Variants in MTUS2 observed in about 807,000 individuals in gnomAD.
MTUS2 encodes microtubule-associated tumor suppressor candidate 2.
A neutral mutation model predicts 114.1 loss-of-function variants in MTUS2; 40 were observed. The observed-to-expected ratio is 0.35, with a 90% CI of 0.27 to 0.46. The LOEUF (loss-of-function observed/expected upper bound fraction) is 0.46. MTUS2 is among the 20% of genes least tolerant of loss of function. MTUS2 has a pLI of 1.00. For missense variants in MTUS2, 1,679 were observed against 1,705.4 expected (o/e 0.98, Z 0.27); for synonymous variants, 688 against 672.0 (o/e 1.02, Z -0.37).
intron 12 of MTUS2, 94 bp from the exon 13 acceptor site, chr13:29,497,144 G>T: frequency 9.2e-7 from 1 of 1,088,134 alleles, no homozygotes; most frequent in East Asian, 2.5e-5. Context: ...GGATGCCCAG[G>T]GCACAGTGGT....
chr13:29,472,454 T>A (rs1215247041), intron 9 of MTUS2, among the ~76,000 whole-genome samples: 2 of 152,220 alleles, frequency 1.3e-5, no homozygotes, highest in East Asian at 3.9e-4. Flanking sequence ...CAGCTGTGTT[T>A]CATGCAACCC....
intron 2 of MTUS2, among the ~76,000 whole-genome samples, chr13:28,988,067 G>A (rs1884668471): frequency 6.6e-6 from 1 of 152,164 alleles, no homozygotes; most frequent in Admixed American, 6.5e-5. Flanking sequence ...TGTTTAAAAT[G>A]AAAAAGTGAT....
At chr13:28,998,099 C>A (rs1447650203) in intron 2 of MTUS2, among the ~76,000 whole-genome samples, 2 of 150,978 alleles carry the variant, frequency 1.3e-5, no homozygotes, top group East Asian at 3.9e-4. Context: ...GTGACAAAGT[C>A]TCTCAGCATT....
At chr13:29,191,320 A>G (rs1014252635) in intron 5 of MTUS2, among the ~76,000 whole-genome samples, 2 of 151,906 alleles carry the variant, frequency 1.3e-5, no homozygotes, top group Non-Finnish European at 2.9e-5. Flanking sequence ...TTTTTTATAT[A>G]TATATAATTG....
At chr13:29,282,990 A>G (rs1898335350) in intron 6 of MTUS2, among the ~76,000 whole-genome samples, 1 of 152,210 alleles carries the variant, frequency 6.6e-6, no homozygotes, top group Non-Finnish European at 1.5e-5. Flanking sequence ...CAATGCTGCA[A>G]TAAACAGCCT....
At chr13:28,888,607 A>T (rs1301304347) in intron 2 of MTUS2, among the ~76,000 whole-genome samples, 1 of 152,056 alleles carries the variant, frequency 6.6e-6, no homozygotes, top group African/African-American at 2.4e-5. Context: ...TTTTTAGTAG[A>T]GACGGGGTTT....
At chr13:28,882,147 C>T (rs775620733) in intron 2 of MTUS2, among the ~76,000 whole-genome samples, 2 of 151,928 alleles carry the variant, frequency 1.3e-5, no homozygotes, top group Non-Finnish European at 2.9e-5. Flanking sequence ...GCAACCTCTG[C>T]CCCCTAGGTT....
intron 14 of MTUS2, among the ~76,000 whole-genome samples, chr13:29,499,258 A>G (rs1395672732): frequency 6.6e-6 from 1 of 152,046 alleles, no homozygotes; most frequent in Non-Finnish European, 1.5e-5. Context: ...GGCACTCCCT[A>G]GGGGGCACAG....
At chr13:29,307,255 C>A in intron 6 of MTUS2, 1 of 635,484 alleles carries the variant, frequency 1.6e-6, no homozygotes, top group Non-Finnish European at 2.9e-6. Context: ...CTTAGCACCC[C>A]TGGCCAAAGT....
chr13:29,280,933 G>A (rs959813233), intron 5 of MTUS2, among the ~76,000 whole-genome samples: 7 of 152,208 alleles, frequency 4.6e-5, no homozygotes, highest in East Asian at 3.8e-4. Context: ...ACAACTTTGC[G>A]TATTTAAATT....
chr13:29,388,733 G>A (rs1593383865), intron 8 of MTUS2, among the ~76,000 whole-genome samples: 1 of 152,100 alleles, frequency 6.6e-6, no homozygotes, highest in East Asian at 1.9e-4. Context: ...AGCAGGCATT[G>A]TAAGTTGGGC....
At chr13:29,388,474 C>T (rs1872784418) in intron 8 of MTUS2, among the ~76,000 whole-genome samples, 2 of 151,098 alleles carry the variant, frequency 1.3e-5, no homozygotes, top group South Asian at 2.1e-4. Context: ...GGCTAAACTT[C>T]CTTCTCTAGG....
At chr13:28,869,966 T>C (rs1877521709) in intron 2 of MTUS2, among the ~76,000 whole-genome samples, 1 of 152,218 alleles carries the variant, frequency 6.6e-6, no homozygotes, top group South Asian at 2.1e-4. Flanking sequence ...AAAATTCTTT[T>C]ATATGCATTT....
At chr13:29,460,177 T>C (rs1304487395) in intron 9 of MTUS2, among the ~76,000 whole-genome samples, 1 of 152,176 alleles carries the variant, frequency 6.6e-6, no homozygotes, top group African/African-American at 2.4e-5. Context: ...AAACAGTCAA[T>C]TGACTTGCCC....
chr13:29,354,974 T>C (rs981356391), intron 7 of MTUS2, among the ~76,000 whole-genome samples: 1 of 152,234 alleles, frequency 6.6e-6, no homozygotes, highest in Non-Finnish European at 1.5e-5. Context: ...CAAAGTTCTG[T>C]CCTATAATTC....
Position 29,492,312 on chromosome 13 carries a change from A to G in MTUS2, c.3506-334A>G, listed in dbSNP as rs144742092. Among the ~76,000 whole-genome samples the G allele has an allele frequency of 1.1e-3, 159 of 148,654 alleles. No individual in the cohort carries two copies. The East Asian group carries it at 0.017, about 16-fold the overall frequency. ...TGTATGTGATGTGTGGTAGGTGTGT[A>G]TGTGTATGTGTGGCATGTGGTGTGT... On this transcript the variant is annotated intron_variant, in intron 11 of 15. Coordinates refer to ENST00000612955, the MANE Select transcript of MTUS2 (RefSeq NM_001033602.4).
At position 29,235,669 on chromosome 13, in the gene MTUS2, T is replaced by A. The variant is rs142511095; in HGVS notation, c.2645-46035T>A. Among the ~76,000 whole-genome samples, 168 of 152,344 alleles carry A rather than the reference T, an allele frequency of 1.1e-3. 2 individuals are homozygous for A. Among genetic ancestry groups the A allele is most frequent in the African/African-American group, 3.7e-3 (154 of 41,582 alleles). On this transcript the variant is annotated intron_variant, in intron 5 of 15. Coordinates refer to ENST00000612955, the MANE Select transcript of MTUS2 (RefSeq NM_001033602.4). ...AATCAAGAATAAATGTTGAATTTTT[T>A]CAAAGGTTTATTTAAACCAATAATT...
chr13:29,242,322 A>C lies in MTUS2; in HGVS notation c.2645-39382A>C, dbSNP rs1444730267. 3.3e-5 allele frequency among the ~76,000 whole-genome samples: 5 copies of C among 152,198 alleles called. No homozygotes were observed. The East Asian group carries it at 9.6e-4, about 29-fold the overall frequency. Reference sequence around the variant, plus strand: ...GAATTTCATCTAAATGGAACCATGCAATATGTGGTCTCTTTTGTCTGGCAT... The same window carrying C: ...GAATTTCATCTAAATGGAACCATGCCATATGTGGTCTCTTTTGTCTGGCAT... On this transcript the variant is annotated intron_variant, in intron 5 of 15. Coordinates refer to ENST00000612955, the MANE Select transcript of MTUS2 (RefSeq NM_001033602.4).
At chr13:29,078,807 T>C (rs560881221) in intron 4 of MTUS2, among the ~76,000 whole-genome samples, 116 of 152,360 alleles carry the variant, frequency 7.6e-4, no homozygotes, top group Middle Eastern at 3.4e-3. Context: ...AGTGTATAGG[T>C]AATCCACTTT....
Sources: allele counts gnomAD v4.1 joint callset (sites outside exome capture counted in the v4.1 genomes callset), GRCh38; gene constraint gnomAD v4.1.1; transcripts MANE v1.5; gene names NCBI Gene and HGNC (gene_info 2026-07-23, HGNC 2026-07-21).